The following WWOX variants were observed in gnomAD, a reference collection of about 807,000 sequenced individuals.
The protein encoded by WWOX is WW domain containing oxidoreductase, also known as WW domain-containing oxidoreductase.
WWOX carries 69 observed loss-of-function variants against 46.2 expected under a neutral mutation model. The ratio of observed to expected loss-of-function variants is 1.49; its 90% CI spans 1.23 to 1.82. WWOX has a LOEUF of 1.82. WWOX is among the 40% of genes most tolerant of loss of function. The probability of loss-of-function intolerance (pLI) is 0.00; values close to 1 mark genes in which losing one functional copy is unlikely to be tolerated. For missense variants in WWOX, 919 were observed against 542.6 expected (o/e 1.69, Z -6.89); for synonymous variants, 359 against 202.6 (o/e 1.77, Z -6.56).
chr16:78,946,223 C>G (rs9925158), intron 8 of WWOX, among the ~76,000 whole-genome samples: 2,216 of 152,268 alleles, frequency 0.015, 64 homozygotes, highest in African/African-American at 0.051. Flanking sequence ...CTGAGTCTTG[C>G]TCTGTCGCCC....
chr16:78,956,735 G>T (rs1188699194), intron 8 of WWOX, among the ~76,000 whole-genome samples: 1 of 152,058 alleles, frequency 6.6e-6, no homozygotes, highest in Non-Finnish European at 1.5e-5. Context: ...TTTCAAAAGT[G>T]TGCCACAAAC....
chr16:78,728,836 T>C (rs1326780785), intron 8 of WWOX, among the ~76,000 whole-genome samples: 5 of 152,198 alleles, frequency 3.3e-5, no homozygotes, highest in Admixed American at 3.3e-4. Flanking sequence ...GTATGTCACT[T>C]AAACCTTGTG....
At chr16:78,468,420 G>A (rs946999171) in intron 8 of WWOX, among the ~76,000 whole-genome samples, 2 of 152,002 alleles carry the variant, frequency 1.3e-5, no homozygotes, top group Non-Finnish European at 2.9e-5. Flanking sequence ...TTGCACAGAG[G>A]AACACCACCT....
intron 7 of WWOX, among the ~76,000 whole-genome samples, chr16:78,427,062 C>T (rs887697004): frequency 1.4e-4 from 21 of 152,256 alleles, no homozygotes; most frequent in African/African-American, 3.6e-4. Context: ...CATGAGTGAG[C>T]GTGGTGACTT....
chr16:78,497,287 T>G (rs1567606927), intron 8 of WWOX, among the ~76,000 whole-genome samples: 1 of 152,236 alleles, frequency 6.6e-6, no homozygotes, highest in South Asian at 2.1e-4. Context: ...TTTGTTCTTT[T>G]CTTACCTCAC....
intron 8 of WWOX, among the ~76,000 whole-genome samples, chr16:78,736,053 CAG>C (rs1366816719): frequency 6.6e-6 from 1 of 152,180 alleles, no homozygotes; most frequent in African/African-American, 2.4e-5. Context: ...GAGATGAAGA[CAG>C]GGATTCGGCT....
intron 8 of WWOX, 77 bp from the exon 9 acceptor site, chr16:79,211,531 C>A: frequency 1.1e-5 from 18 of 1,586,642 alleles, no homozygotes; most frequent in Non-Finnish European, 1.6e-5. Flanking sequence ...CCTGCTAATG[C>A]CCAGGCAGTC....
intron 8 of WWOX, among the ~76,000 whole-genome samples, chr16:79,131,020 T>C (rs1217119586): frequency 6.6e-6 from 1 of 152,192 alleles, no homozygotes; most frequent in Non-Finnish European, 1.5e-5. Flanking sequence ...TTGGATGAAG[T>C]TATATCACAA....
At chr16:78,880,318 C>G (rs1024681477) in intron 8 of WWOX, among the ~76,000 whole-genome samples, 1 of 152,126 alleles carries the variant, frequency 6.6e-6, no homozygotes, top group East Asian at 1.9e-4. Context: ...ATGCTTTCAC[C>G]CGTACCTGTG....
chr16:79,144,556 G>A (rs903838491), intron 8 of WWOX, among the ~76,000 whole-genome samples: 1 of 151,968 alleles, frequency 6.6e-6, no homozygotes. Context: ...CATGATTTAA[G>A]CACTAAGCTA....
intron 8 of WWOX, among the ~76,000 whole-genome samples, chr16:79,035,591 T>C (rs139055963): frequency 0.011 from 1,707 of 152,116 alleles, 36 homozygotes; most frequent in African/African-American, 0.039. Context: ...CAGGCTGGAG[T>C]GTGGTAGGTG....
At chr16:78,834,427 C>T (rs1371464667) in intron 8 of WWOX, among the ~76,000 whole-genome samples, 1 of 152,004 alleles carries the variant, frequency 6.6e-6, no homozygotes, top group East Asian at 1.9e-4. Flanking sequence ...GTTTCTGTGC[C>T]CCTCAGCTCC....
intron 8 of WWOX, among the ~76,000 whole-genome samples, chr16:78,975,620 T>C (rs1056570448): frequency 6.6e-6 from 1 of 152,100 alleles, no homozygotes; most frequent in Non-Finnish European, 1.5e-5. Context: ...GGGTGAACAG[T>C]GTTTATTCCC....
In WWOX at chr16:78,610,802, A is replaced by G. The variant is rs534828760; in HGVS notation, c.1056+178050A>G. Among the ~76,000 whole-genome samples the G allele has an allele frequency of 2.6e-5, 4 of 152,174 alleles. No individual in the cohort carries two copies. In the East Asian group the frequency reaches 7.7e-4, roughly 29 times the overall value. On this transcript the variant is annotated intron_variant, in intron 8 of 8. Coordinates refer to ENST00000566780, the MANE Select transcript of WWOX (RefSeq NM_016373.4). ...AATCTGGAGGTTTGGAATGCAGCAA[A>G]CTCTGGGGGCATTATCATTATTATT...
intron 8 of WWOX, among the ~76,000 whole-genome samples, chr16:79,029,960 C>A (rs1031231666): frequency 6.6e-6 from 1 of 152,154 alleles, no homozygotes; most frequent in African/African-American, 2.4e-5. Context: ...TTTATAATTT[C>A]TTGATGATCC....
At chr16:78,186,961 C>T (rs777024362) in intron 5 of WWOX, among the ~76,000 whole-genome samples, 1 of 152,086 alleles carries the variant, frequency 6.6e-6, no homozygotes, top group Non-Finnish European at 1.5e-5. Context: ...CAGATTTTAT[C>T]CGAGTTCTGC....
At chr16:78,782,364 C>T (rs915240228) in intron 8 of WWOX, among the ~76,000 whole-genome samples, 39 of 152,132 alleles carry the variant, frequency 2.6e-4, no homozygotes, top group African/African-American at 9.2e-4. Context: ...ACTGTTTTTG[C>T]CACAGCTTCT....
intron 8 of WWOX, among the ~76,000 whole-genome samples, chr16:78,832,203 A>C (rs1384931518): frequency 6.6e-6 from 1 of 152,104 alleles, no homozygotes; most frequent in African/African-American, 2.4e-5. Flanking sequence ...TTCGTGTCCA[A>C]GGGGCTCACT....
intron 8 of WWOX, among the ~76,000 whole-genome samples, chr16:78,786,686 C>T (rs1258639820): frequency 6.6e-6 from 1 of 152,164 alleles, no homozygotes; most frequent in Non-Finnish European, 1.5e-5. Context: ...AAAAGTAACT[C>T]TGTGCCCATA....
Sources: allele counts gnomAD v4.1 joint callset (sites outside exome capture counted in the v4.1 genomes callset), GRCh38; gene constraint gnomAD v4.1.1; transcripts MANE v1.5; gene names NCBI Gene and HGNC (gene_info 2026-07-23, HGNC 2026-07-21).